Variants in PTPRA observed in about 807,000 individuals in gnomAD.
The protein encoded by PTPRA is receptor-type tyrosine-protein phosphatase alpha.
PTPRA carries 25 observed loss-of-function variants against 104.8 expected under a neutral mutation model. The observed-to-expected ratio is 0.24, with a 90% CI of 0.17 to 0.33. The LOEUF (loss-of-function observed/expected upper bound fraction) is 0.33, where lower values mean the gene tolerates loss of function less well. Ranked by LOEUF, PTPRA falls within the 10% of genes least tolerant of loss-of-function variation. PTPRA has a pLI of 1.00. For synonymous variants in PTPRA, 323 were observed against 368.9 expected (o/e 0.88, Z 1.43); for missense variants, 765 against 1,015.3 (o/e 0.75, Z 3.35).
intron 1 of PTPRA, among the ~76,000 whole-genome samples, chr20:2,890,729 A>C (rs1301268399): frequency 1.3e-5 from 2 of 152,204 alleles, no homozygotes; most frequent in Admixed American, 1.3e-4. Context: ...TCCCTGAGTT[A>C]TGTGACACAT....
chr20:2,998,264 T>C (rs1169092188), intron 9 of PTPRA, among the ~76,000 whole-genome samples: 2 of 149,878 alleles, frequency 1.3e-5, no homozygotes. Flanking sequence ...GCCAGTGAAA[T>C]AGTCAGAATC....
intron 2 of PTPRA, among the ~76,000 whole-genome samples, chr20:2,943,206 T>TCCCCCCC (rs147898735): frequency 1.2e-4 from 12 of 97,150 alleles, no homozygotes; most frequent in East Asian, 8.7e-4. Flanking sequence ...TTGGAACATA[T>TCCCCCCC]CCCCCCACCC....
At chr20:2,864,734 C>A in the PTPRA span, 4 of 1,459,508 alleles carry the variant, frequency 2.7e-6, no homozygotes, top group Non-Finnish European at 2.9e-6. The surrounding 1 kb of genome is among the most constrained non-coding windows in gnomAD (Gnocchi z 5.2). Context: ...GGAATCTAGG[C>A]CTTCGTGTTG....
chr20:2,983,883 A>G (rs1048918503), intron 6 of PTPRA, among the ~76,000 whole-genome samples: 46 of 152,134 alleles, frequency 3.0e-4, no homozygotes, highest in Non-Finnish European at 8.8e-5. Context: ...CATGGCATTT[A>G]TATTTACAGT....
chr20:3,009,429 G>A (rs776040738), intron 11 of PTPRA, among the ~76,000 whole-genome samples: 1 of 152,080 alleles, frequency 6.6e-6, no homozygotes, highest in Non-Finnish European at 1.5e-5. Context: ...GAAGTTGTTA[G>A]GAATAAACAA....
intron 1 of PTPRA, among the ~76,000 whole-genome samples, chr20:2,878,111 A>C (rs1372218803): frequency 6.6e-6 from 1 of 152,192 alleles, no homozygotes; most frequent in Non-Finnish European, 1.5e-5. Flanking sequence ...AGATCTTGCC[A>C]CTGTACTCCA....
At chr20:2,992,702 T>G (rs777811861) in intron 9 of PTPRA, among the ~76,000 whole-genome samples, 5 of 119,536 alleles carry the variant, frequency 4.2e-5, no homozygotes, top group Non-Finnish European at 6.8e-5. Flanking sequence ...TCTGTTTACC[T>G]TACTACAAAC....
intron 3 of PTPRA, among the ~76,000 whole-genome samples, chr20:2,952,452 T>C (rs1402429379): frequency 6.6e-6 from 1 of 152,206 alleles, no homozygotes; most frequent in Non-Finnish European, 1.5e-5. Flanking sequence ...GTTCTTTATA[T>C]ATCTGGATAC....
chr20:3,013,821 G>A (rs1156832472), intron 11 of PTPRA, among the ~76,000 whole-genome samples: 2 of 152,160 alleles, frequency 1.3e-5, no homozygotes, highest in Non-Finnish European at 2.9e-5. Context: ...TCAGGAGCCA[G>A]GGAGCCACAT....
intron 2 of PTPRA, among the ~76,000 whole-genome samples, chr20:2,927,555 T>C (rs1322621665): frequency 2.6e-5 from 4 of 152,222 alleles, no homozygotes; most frequent in Admixed American, 6.5e-5. Flanking sequence ...AAATTTAGGC[T>C]AGTCGTACAC....
At chr20:3,007,262 A>C (rs189380662) in intron 10 of PTPRA, 82 bp from the exon 11 acceptor site, 1 of 1,333,002 alleles carries the variant, frequency 7.5e-7, no homozygotes, top group African/African-American at 1.4e-5. Context: ...ATAGGCACAG[A>C]TGTCTCAACT....
chr20:3,019,279 A>G (rs1335203866), intron 13 of PTPRA, among the ~76,000 whole-genome samples: 3 of 137,670 alleles, frequency 2.2e-5, no homozygotes, highest in Middle Eastern at 4.3e-3. Context: ...CTCCCGGACG[A>G]GGTGGCTGCC....
chr20:2,905,690 CTTTTTTT>C lies in PTPRA; in HGVS notation c.-128-17499_-128-17493del, dbSNP rs11479039. Among the ~76,000 whole-genome samples, 397 of 70,654 alleles carry C rather than the reference CTTTTTTT, an allele frequency of 5.6e-3. 2 individuals carry two copies. Among genetic ancestry groups the C allele is most frequent in the African/African-American group, 0.018 (319 of 18,098 alleles). 46.4% of individuals were successfully genotyped at this position (70,654 alleles called of 152,430 possible). Reference sequence around the variant, plus strand: ...GATTGGGGGTGGAAATCATAAAATTCTTTTTTTTTTTTTTTTTTTTTTTTGCTCTTGT... The same window carrying C: ...GATTGGGGGTGGAAATCATAAAATTCTTTTTTTTTTTTTTTTTGCTCTTGT... On this transcript the variant is annotated intron_variant, in intron 1 of 23. Coordinates refer to ENST00000399903, the MANE Select transcript of PTPRA (RefSeq NM_001385305.1).
At chr20:2,996,540 A>G (rs1211055389) in intron 9 of PTPRA, among the ~76,000 whole-genome samples, 1 of 152,228 alleles carries the variant, frequency 6.6e-6, no homozygotes, top group African/African-American at 2.4e-5. Flanking sequence ...TTAAAATGTG[A>G]AACATCTTTG....
chr20:3,015,705 C>T, intron 11 of PTPRA, 144 bp from the exon 12 acceptor site: 1 of 641,930 alleles, frequency 1.6e-6, no homozygotes, highest in South Asian at 2.0e-5. Context: ...AAAGCTAATC[C>T]CTTGTGAATA....
At chr20:3,005,557 ATAAAG>A (rs1355193001) in intron 10 of PTPRA, among the ~76,000 whole-genome samples, 7 of 152,028 alleles carry the variant, frequency 4.6e-5, no homozygotes, top group South Asian at 2.1e-4. Flanking sequence ...TCTCAAAAAA[ATAAAG>A]TAAAAGAAAT....
At chr20:3,002,177 CA>C (rs5839981) in intron 9 of PTPRA, among the ~76,000 whole-genome samples, 115,004 of 151,788 alleles carry the variant, frequency 0.76, 47,025 homozygotes, top group Middle Eastern at 0.94. Flanking sequence ...TTCCATCTGA[CA>C]AAAAATTGGT....
At chr20:2,875,428 T>C (rs1277149818) in intron 1 of PTPRA, among the ~76,000 whole-genome samples, 2 of 152,170 alleles carry the variant, frequency 1.3e-5, no homozygotes, top group Non-Finnish European at 2.9e-5. Context: ...GTTCTCTGTT[T>C]AGCCACTTAA....
At chr20:2,864,693 G>A in the PTPRA span, 5 of 1,600,304 alleles carry the variant, frequency 3.1e-6, no homozygotes, top group African/African-American at 6.7e-5. The surrounding 1 kb of genome is among the most constrained non-coding windows in gnomAD (Gnocchi z 5.2). Flanking sequence ...TGTGGGGCAT[G>A]TGGGCTGGGG....
Sources: allele counts gnomAD v4.1 joint callset (sites outside exome capture counted in the v4.1 genomes callset), GRCh38; gene constraint gnomAD v4.1.1; non-coding constraint Gnocchi (gnomAD v3.1); transcripts MANE v1.5; gene names NCBI Gene and HGNC (gene_info 2026-07-23, HGNC 2026-07-21).